Variants in YWHAE observed in about 807,000 individuals in gnomAD.
YWHAE encodes tyrosine 3-monooxygenase/tryptophan 5-monooxygenase activation protein epsilon.
YWHAE carries 4 observed loss-of-function variants against 30.1 expected under a neutral mutation model. That is an observed-to-expected ratio of 0.13 (90% CI 0.07 to 0.30). YWHAE has a LOEUF of 0.30. YWHAE is among the 10% of genes least tolerant of loss of function. YWHAE has a pLI of 1.00. For synonymous variants in YWHAE, 118 were observed against 111.8 expected (o/e 1.06, Z -0.35); for missense variants, 121 against 315.9 (o/e 0.38, Z 4.68).
intron 1 of YWHAE, among the ~76,000 whole-genome samples, chr17:1,383,031 GA>G (rs112094150): frequency 0.21 from 25,310 of 118,824 alleles, 4,018 homozygotes; most frequent in African/African-American, 0.47. Flanking sequence ...TCTCAAGAAA[GA>G]AAAAAAAAAA....
At chr17:1,395,810 G>A (rs1236359488) in intron 1 of YWHAE, among the ~76,000 whole-genome samples, 1 of 152,148 alleles carries the variant, frequency 6.6e-6, no homozygotes, top group East Asian at 1.9e-4. Context: ...TAGAGATGAG[G>A]ATCTGGTGTT....
At chr17:1,365,154 A>G in intron 1 of YWHAE, 96 bp from the exon 2 acceptor site, 1 of 1,284,572 alleles carries the variant, frequency 7.8e-7, no homozygotes, top group South Asian at 1.4e-5. Context: ...TACTGCGAAA[A>G]AAACATTTTA....
At chr17:1,362,856 G>A (rs1025263518) in intron 2 of YWHAE, among the ~76,000 whole-genome samples, 10 of 151,988 alleles carry the variant, frequency 6.6e-5, no homozygotes, top group African/African-American at 2.2e-4. Context: ...ATAGAGACTG[G>A]TCTAGGAGAA....
At chr17:1,393,878 T>C (rs2073425043) in intron 1 of YWHAE, among the ~76,000 whole-genome samples, 1 of 152,222 alleles carries the variant, frequency 6.6e-6, no homozygotes, top group African/African-American at 2.4e-5. Context: ...CGCTGTGCCT[T>C]GAGATGGGAT....
At chr17:1,358,821 C>T (rs1320489560) in intron 4 of YWHAE, among the ~76,000 whole-genome samples, 2 of 119,946 alleles carry the variant, frequency 1.7e-5, no homozygotes, top group Non-Finnish European at 1.6e-5. Flanking sequence ...CAGAGCGAGA[C>T]TCCATCTTAA....
At chr17:1,370,620 G>A (rs991709537) in intron 1 of YWHAE, among the ~76,000 whole-genome samples, 4 of 152,196 alleles carry the variant, frequency 2.6e-5, no homozygotes, top group South Asian at 4.2e-4. Context: ...TAGTAGAGAC[G>A]GGGTTTCAGC....
intron 5 of YWHAE, among the ~76,000 whole-genome samples, chr17:1,351,849 G>A (rs891456176): frequency 1.3e-5 from 2 of 151,988 alleles, no homozygotes; most frequent in Non-Finnish European, 2.9e-5. Flanking sequence ...GCAGTGGGGC[G>A]TGATCTCAGC....
At chr17:1,349,036 G>GA (rs918574800) in intron 5 of YWHAE, among the ~76,000 whole-genome samples, 216 of 132,278 alleles carry the variant, frequency 1.6e-3, no homozygotes, top group East Asian at 5.0e-3. Flanking sequence ...ACGAAAAAAG[G>GA]AAAAAAAAAA....
intron 1 of YWHAE, among the ~76,000 whole-genome samples, chr17:1,379,127 A>G (rs1054958887): frequency 6.6e-6 from 1 of 152,186 alleles, no homozygotes; most frequent in Non-Finnish European, 1.5e-5. Context: ...CGATGTCATC[A>G]CTTTAAGGTT....
rs11436001 is a variant in YWHAE at position 1,356,804 on chromosome 17, C to CAA, written c.579-2459_579-2458dup. Among the ~76,000 whole-genome samples, 489 of 130,650 alleles carry CAA rather than the reference C, an allele frequency of 3.7e-3. 5 individuals carry two copies. The highest frequency in any genetic ancestry group is 0.011 in the African/African-American group (419 of 37,074). The allele number at this position is 130,650 out of a possible 152,430, so 85.7% of individuals were successfully genotyped here. A position where few individuals can be genotyped will look rare whatever the true frequency, so the allele number is the denominator to read the frequency against. ...TGAAAACCTGTCTCTACTAAAAATGCAAAAAAAAAAAAAAATTCAGTCAAG... is the reference window on the plus strand; with the variant it reads ...TGAAAACCTGTCTCTACTAAAAATGCAAAAAAAAAAAAAAAAATTCAGTCAAG... On this transcript the variant is annotated intron_variant, in intron 4 of 5. Coordinates refer to ENST00000264335, the MANE Select transcript of YWHAE (RefSeq NM_006761.5).
At chr17:1,379,600 C>CA (rs2150866888) in intron 1 of YWHAE, among the ~76,000 whole-genome samples, 1 of 152,284 alleles carries the variant, frequency 6.6e-6, no homozygotes, top group South Asian at 2.1e-4. Flanking sequence ...AACAAAATGT[C>CA]AAATCTGTAG....
chr17:1,373,667 CAA>C, intron 1 of YWHAE, among the ~76,000 whole-genome samples: 1 of 129,226 alleles, frequency 7.7e-6, no homozygotes. Context: ...GACTTCATCT[CAA>C]AAAAAAAAAA....
intron 1 of YWHAE, among the ~76,000 whole-genome samples, chr17:1,392,112 G>A (rs1474756770): frequency 2.6e-5 from 4 of 152,034 alleles, no homozygotes; most frequent in African/African-American, 4.8e-5. Flanking sequence ...AGGTGCCCAG[G>A]GGGTCAAAGC....
intron 1 of YWHAE, among the ~76,000 whole-genome samples, chr17:1,374,034 T>C (rs1199273072): frequency 6.6e-6 from 1 of 152,066 alleles, no homozygotes. Flanking sequence ...ATCCATTCAT[T>C]AGGCCAGGTG....
intron 1 of YWHAE, among the ~76,000 whole-genome samples, chr17:1,367,682 G>A (rs2072965776): frequency 6.6e-6 from 1 of 152,020 alleles, no homozygotes; most frequent in Non-Finnish European, 1.5e-5. Context: ...CGGGAGGGGA[G>A]AAAAATAATT....
intron 4 of YWHAE, among the ~76,000 whole-genome samples, chr17:1,355,148 A>AAAAAAAAAAAAAAAAAAAAT (rs1555639303): frequency 1.3e-5 from 1 of 76,836 alleles, no homozygotes; most frequent in Non-Finnish European, 2.7e-5. Context: ...AAAAAAAAAA[A>AAAAAAAAAAAAAAAAAAAAT]TTTTTTTTTT....
In YWHAE at chr17:1,374,951, CTGTA is replaced by C. The variant is rs1307136096; in HGVS notation, c.65-9897_65-9894del. 4.9e-4 allele frequency among the ~76,000 whole-genome samples: 74 copies of C among 152,146 alleles called. 1 individual carries two copies. Among genetic ancestry groups the C allele is most frequent in the Non-Finnish European group, 3.5e-4 (24 of 68,034 alleles). Reference sequence around the variant, plus strand: ...ACAGGGTCTCACTACGTTGCCCTGACTGTATGTCGTGCAGTGGCTATTCACAGGC... The same window carrying C: ...ACAGGGTCTCACTACGTTGCCCTGACTGTCGTGCAGTGGCTATTCACAGGC... On this transcript the variant is annotated intron_variant, in intron 1 of 5. Transcript: ENST00000264335.
At chr17:1,359,430 GA>G (rs1481235124) in intron 4 of YWHAE, among the ~76,000 whole-genome samples, 2 of 152,158 alleles carry the variant, frequency 1.3e-5, no homozygotes, top group African/African-American at 4.8e-5. Flanking sequence ...TCACCATAGG[GA>G]AAAGGTGGAA....
At chr17:1,367,797 A>G (rs898188264) in intron 1 of YWHAE, among the ~76,000 whole-genome samples, 8 of 152,184 alleles carry the variant, frequency 5.3e-5, no homozygotes, top group African/African-American at 1.9e-4. Context: ...AATTGCAAAA[A>G]ACACAAACTA....
Sources: gnomAD v4.1 joint callset for allele counts (sites outside exome capture counted in the v4.1 genomes callset) on GRCh38, gnomAD v4.1.1 for gene constraint, MANE v1.5 for transcripts, NCBI Gene and HGNC (gene_info 2026-07-23, HGNC 2026-07-21) for gene names.